Variants in HDAC5 observed in about 807,000 individuals in gnomAD.
The protein encoded by HDAC5 is antigen NY-CO-9.
HDAC5 carries 25 observed loss-of-function variants against 133.3 expected under a neutral mutation model. That is an observed-to-expected ratio of 0.19 (90% CI 0.14 to 0.26). The LOEUF is 0.26. Among genes scored for constraint, HDAC5 ranks in the 10% least tolerant of loss-of-function variants. The pLI, the probability that HDAC5 is intolerant of heterozygous loss-of-function variation, is 1.00. For synonymous variants in HDAC5, 589 were observed against 610.8 expected (o/e 0.96, Z 0.53); for missense variants, 1,041 against 1,460.5 (o/e 0.71, Z 4.68).
intron 1 of HDAC5, among the ~76,000 whole-genome samples, chr17:44,120,968 G>A (rs1355018624): frequency 6.6e-6 from 1 of 152,062 alleles, no homozygotes; most frequent in Non-Finnish European, 1.5e-5. Context: ...CAGGGAAAGG[G>A]GGAGGGTGAC....
chr17:44,114,588 C>T (rs2052544497), intron 2 of HDAC5, among the ~76,000 whole-genome samples: 1 of 152,204 alleles, frequency 6.6e-6, no homozygotes, highest in African/African-American at 2.4e-5. Flanking sequence ...TCCATGGCCC[C>T]GCTGCCACCC....
chr17:44,111,339 C>T (rs1357141689), intron 2 of HDAC5: 1 of 327,974 alleles, frequency 3.0e-6, no homozygotes, highest in Admixed American at 3.9e-5. Flanking sequence ...TGCCAGGAGG[C>T]CCCATGGGGG....
Position 44,077,511 on chromosome 17 carries a change from A to C in HDAC5, c.*865T>G, listed in dbSNP as rs1261274665. 6.6e-6 allele frequency: 1 copy of C among 152,258 alleles called. No homozygotes were observed. Among genetic ancestry groups the C allele is most frequent in the Non-Finnish European group, 1.5e-5 (1 of 68,086 alleles). 9.4% of individuals were successfully genotyped at this position (152,258 alleles called of 1,614,324 possible). A position where few individuals can be genotyped will look rare whatever the true frequency, so the allele number is the denominator to read the frequency against. ...GCTGGGAAAATCTGGTCCTGACAGCAGGGGGGCTCTCACCAGCCTGGAGCC... is the reference window on the plus strand; with the variant it reads ...GCTGGGAAAATCTGGTCCTGACAGCCGGGGGGCTCTCACCAGCCTGGAGCC... On this transcript the variant is annotated 3_prime_UTR_variant, in exon 27 of 27. Transcript: ENST00000682912.
intron 16 of HDAC5, 55 bp downstream of exon 16, chr17:44,084,500 C>T: frequency 6.2e-7 from 1 of 1,604,352 alleles, no homozygotes; most frequent in Non-Finnish European, 8.5e-7. Context: ...CCTGAGAGCC[C>T]CCATCCCACC....
intron 1 of HDAC5, among the ~76,000 whole-genome samples, chr17:44,118,114 GA>G (rs965683824): frequency 6.6e-6 from 1 of 152,200 alleles, no homozygotes; most frequent in African/African-American, 2.4e-5. Context: ...GAAGTGAAGG[GA>G]GAAACTGGTA....
rs965184985 is a variant in HDAC5 at position 44,117,826 on chromosome 17, C to G, written c.-189-122G>C. ...GATGAGAGGGAGGGATACCTGCCCA[C>G]AGCCACAGGAGAAATCTGCAGAACT... On this transcript the variant is annotated intron_variant, in intron 1 of 26. Transcript: ENST00000682912. The surrounding 1 kb of genome is among the most constrained non-coding windows in gnomAD (Gnocchi z 4.2). 7.1e-6 allele frequency: 4 copies of G among 560,770 alleles called. No homozygotes were observed. The highest frequency in any genetic ancestry group is 1.9e-5 in the African/African-American group (1 of 52,978). 34.7% of individuals were successfully genotyped at this position (560,770 alleles called of 1,614,324 possible).
intron 25 of HDAC5, 33 bp from the exon 26 acceptor site, chr17:44,078,698 G>C: frequency 1.2e-6 from 2 of 1,607,276 alleles, no homozygotes; most frequent in Non-Finnish European, 1.7e-6. Flanking sequence ...GGGTCAGGGA[G>C]GGCAGAGGAC....
intron 20 of HDAC5, among the ~76,000 whole-genome samples, chr17:44,081,230 T>C (rs1018762992): frequency 1.3e-5 from 2 of 152,068 alleles, no homozygotes; most frequent in African/African-American, 4.8e-5. Context: ...GTAGGGAATT[T>C]AAAACAGGCA....
chr17:44,122,931 C>G (rs1316076147), intron 1 of HDAC5, among the ~76,000 whole-genome samples: 2 of 152,210 alleles, frequency 1.3e-5, no homozygotes, highest in Non-Finnish European at 2.9e-5. Context: ...TAACGCCTCA[C>G]AGGAGACGGG....
At chr17:44,091,198 G>T in intron 11 of HDAC5, 72 bp downstream of exon 11, 2 of 1,133,892 alleles carry the variant, frequency 1.8e-6, no homozygotes, top group Middle Eastern at 1.9e-4. Flanking sequence ...AACTGTGACA[G>T]GGTTGGAGAG....
At chr17:44,098,568 A>G (rs922656306) in intron 3 of HDAC5, among the ~76,000 whole-genome samples, 2 of 151,464 alleles carry the variant, frequency 1.3e-5, no homozygotes, top group Admixed American at 1.3e-4. Flanking sequence ...GCAAAACCCC[A>G]TCTCTACTAA....
At chr17:44,088,749 C>G (rs770970225) in intron 11 of HDAC5, 151 bp from the exon 12 acceptor site, 65 of 1,106,378 alleles carry the variant, frequency 5.9e-5, no homozygotes, top group Non-Finnish European at 7.9e-5. Context: ...ACCCCCCACC[C>G]AAACCTGAGC....
intron 22 of HDAC5, 37 bp from the exon 23 acceptor site, chr17:44,080,262 A>T (rs777299612): frequency 6.3e-7 from 1 of 1,585,124 alleles, no homozygotes; most frequent in Non-Finnish European, 8.7e-7. Flanking sequence ...CCGGCAGATG[A>T]CCAGGCCAGG....
chr17:44,108,764 A>C (rs537518035), intron 3 of HDAC5, among the ~76,000 whole-genome samples: 19 of 146,594 alleles, frequency 1.3e-4, no homozygotes, highest in South Asian at 8.6e-4. Context: ...AAAAAAAACA[A>C]AAAAAAAACA....
intron 1 of HDAC5, among the ~76,000 whole-genome samples, chr17:44,121,436 C>G (rs1598054438): frequency 1.6e-5 from 2 of 125,330 alleles, no homozygotes; most frequent in South Asian, 5.9e-4. Flanking sequence ...TCTCCCCCTT[C>G]CCCCCCCTAC....
At position 44,078,387 on chromosome 17, in the gene HDAC5, G is replaced by C; in HGVS notation, c.3358C>G (p.Pro1120Ala). 1 of 1,521,852 alleles carries C rather than the reference G, an allele frequency of 6.6e-7. No individual in the cohort carries two copies. The highest frequency in any genetic ancestry group is 8.8e-7 in the Non-Finnish European group (1 of 1,135,736). The allele number at this position is 1,521,852 out of a possible 1,614,324, so 94.3% of individuals were successfully genotyped here. A position where few individuals can be genotyped will look rare whatever the true frequency, so the allele number is the denominator to read the frequency against. ...RPAEEPMEQE[P>A]AL ...TGGGGGCCGGGGCGTCACAGGGCAGGCTCCTGCTCCATGGGCTCCTCTGCC... is the reference window on the plus strand; with the variant it reads ...TGGGGGCCGGGGCGTCACAGGGCAGCCTCCTGCTCCATGGGCTCCTCTGCC... The change falls in exon 27 of 27, where the codon CCT becomes GCT. Residue 1120 changes from proline (P) to alanine (A), a missense_variant. This residue lies in a region of HDAC5 where 95 missense variants were observed against 107.3 expected (regional missense o/e 0.88). Transcript: ENST00000682912.
intron 3 of HDAC5, among the ~76,000 whole-genome samples, chr17:44,098,334 G>A (rs973621418): frequency 6.6e-6 from 1 of 152,234 alleles, no homozygotes; most frequent in African/African-American, 2.4e-5. Context: ...ATAGGAAGAG[G>A]CTCTTGGCCG....
At chr17:44,112,448 G>C (rs1440097559) in intron 2 of HDAC5, among the ~76,000 whole-genome samples, 1 of 152,050 alleles carries the variant, frequency 6.6e-6, no homozygotes, top group Non-Finnish European at 1.5e-5. Flanking sequence ...TTAATAGCCT[G>C]GTTATTCCTG....
chr17:44,086,373 CCA>C, intron 14 of HDAC5, among the ~76,000 whole-genome samples, 197 bp downstream of exon 14: 1 of 152,340 alleles, frequency 6.6e-6, no homozygotes, highest in Non-Finnish European at 1.5e-5. Flanking sequence ...AAGACGCTAC[CCA>C]CTCTCCCGGC....
Sources: allele counts gnomAD v4.1 joint callset (sites outside exome capture counted in the v4.1 genomes callset), GRCh38; gene constraint gnomAD v4.1.1; regional missense constraint gnomAD v4.1.1; non-coding constraint Gnocchi (gnomAD v3.1); transcripts MANE v1.5; gene names NCBI Gene and HGNC (gene_info 2026-07-23, HGNC 2026-07-21).